The following KPNA1 variants were observed in gnomAD, a reference collection of about 807,000 sequenced individuals.
KPNA1 encodes karyopherin subunit alpha 1, also known as importin subunit alpha-5.
KPNA1 carries 10 observed loss-of-function variants against 70.5 expected under a neutral mutation model. The ratio of observed to expected loss-of-function variants is 0.14; its 90% CI spans 0.09 to 0.24. KPNA1 has a LOEUF of 0.24. KPNA1 is among the 10% of genes least tolerant of loss of function. The pLI is 1.00. For missense variants in KPNA1, 397 were observed against 637.9 expected (o/e 0.62, Z 4.07); for synonymous variants, 192 against 221.9 (o/e 0.87, Z 1.20).
intron 3 of KPNA1, among the ~76,000 whole-genome samples, chr3:122,465,473 G>C (rs1021513977): frequency 6.6e-6 from 1 of 152,196 alleles, no homozygotes; most frequent in African/African-American, 2.4e-5. Context: ...ATGAGAAACA[G>C]AGTGACTGTA....
At chr3:122,436,482 TC>T (rs2075990204) in intron 11 of KPNA1, among the ~76,000 whole-genome samples, 1 of 152,192 alleles carries the variant, frequency 6.6e-6, no homozygotes, top group Admixed American at 6.5e-5. Flanking sequence ...ATGTGATGTC[TC>T]CCCCAGACAG....
At chr3:122,479,270 C>T (rs2076542667) in intron 2 of KPNA1, among the ~76,000 whole-genome samples, 1 of 152,108 alleles carries the variant, frequency 6.6e-6, no homozygotes, top group Non-Finnish European at 1.5e-5. Context: ...GAAGAGGTAA[C>T]CCATATTATA....
At position 122,424,990 on chromosome 3, in the gene KPNA1, CAGTAA is replaced by C. The variant is rs1170991119; in HGVS notation, c.*1990_*1994del. 6.6e-6 allele frequency: 1 copy of C among 152,582 alleles called. No homozygotes were observed. Among genetic ancestry groups the C allele is most frequent in the Non-Finnish European group, 1.5e-5 (1 of 68,034 alleles). 9.5% of individuals were successfully genotyped at this position (152,582 alleles called of 1,614,324 possible). A position where few individuals can be genotyped will look rare whatever the true frequency, so the allele number is the denominator to read the frequency against. On this transcript the variant is annotated 3_prime_UTR_variant, in exon 14 of 14. Transcript: ENST00000344337. ...GAATCAGTCTTTTACAGGTCAAGTG[CAGTAA>C]ACTAAAATGTTCTCTCAGCACAAAG...
chr3:122,440,294 A>C (rs1206212779), intron 10 of KPNA1, among the ~76,000 whole-genome samples: 1 of 152,142 alleles, frequency 6.6e-6, no homozygotes, highest in Non-Finnish European at 1.5e-5. Context: ...CAGAGAAAAT[A>C]ATGTTAATAC....
intron 9 of KPNA1, 73 bp downstream of exon 9, chr3:122,449,501 A>AT: frequency 8.5e-7 from 1 of 1,176,078 alleles, no homozygotes; most frequent in Non-Finnish European, 1.2e-6. Context: ...ATCCATTAAT[A>AT]TTTAAGTATT....
chr3:122,450,757 C>T (rs1277207473), intron 8 of KPNA1, among the ~76,000 whole-genome samples: 1 of 152,178 alleles, frequency 6.6e-6, no homozygotes, highest in Non-Finnish European at 1.5e-5. Context: ...TCCTGGGTAT[C>T]TACCCAGAGG....
At chr3:122,458,077 A>C (rs1254862571) in intron 5 of KPNA1, among the ~76,000 whole-genome samples, 1 of 152,210 alleles carries the variant, frequency 6.6e-6, no homozygotes, top group Admixed American at 6.5e-5. Flanking sequence ...TGTAATTCAA[A>C]TTTACAACTT....
intron 11 of KPNA1, 101 bp downstream of exon 11, chr3:122,437,069 C>T (rs1161466710): frequency 1.5e-5 from 19 of 1,235,752 alleles, no homozygotes; most frequent in South Asian, 8.6e-5. Flanking sequence ...CAGGAGCCAC[C>T]GCACCCAGCC....
At chr3:122,505,568 C>G (rs765251522) in intron 1 of KPNA1, among the ~76,000 whole-genome samples, 2 of 152,024 alleles carry the variant, frequency 1.3e-5, no homozygotes, top group Non-Finnish European at 2.9e-5. Context: ...TTCAAAGTAC[C>G]CTCTCAGGAA....
At chr3:122,428,567 A>G (rs1262591784) in intron 12 of KPNA1, among the ~76,000 whole-genome samples, 3 of 152,242 alleles carry the variant, frequency 2.0e-5, no homozygotes, top group Admixed American at 2.0e-4. Context: ...TCTCATGGAT[A>G]TTAAAAGGAT....
chr3:122,459,780 T>C (rs1187367421), intron 5 of KPNA1: 2 of 985,340 alleles, frequency 2.0e-6, no homozygotes, highest in Non-Finnish European at 2.4e-6. Flanking sequence ...CTACCTTTTC[T>C]GGATTTCTTG....
At chr3:122,475,911 A>G (rs2076492697) in intron 2 of KPNA1, among the ~76,000 whole-genome samples, 1 of 152,120 alleles carries the variant, frequency 6.6e-6, no homozygotes. Context: ...CTCATCTTCA[A>G]GTTGAGTAAG....
At chr3:122,433,543 C>T (rs2075942622) in intron 12 of KPNA1, 118 bp downstream of exon 12, 4 of 774,970 alleles carry the variant, frequency 5.2e-6, no homozygotes. Flanking sequence ...CTCTCACTTA[C>T]TTTTCCCCTC....
chr3:122,488,658 G>A (rs1056823745), intron 2 of KPNA1, among the ~76,000 whole-genome samples: 1 of 152,222 alleles, frequency 6.6e-6, no homozygotes, highest in African/African-American at 2.4e-5. Context: ...ACGTCTGGGG[G>A]TGAAGAATTC....
chr3:122,422,469 A>T lies in KPNA1; in HGVS notation c.*4516T>A, dbSNP rs1043421622. The T allele has an allele frequency of 6.6e-6, 1 of 152,210 alleles. No homozygotes were observed. Among genetic ancestry groups the T allele is most frequent in the African/African-American group, 2.4e-5 (1 of 41,452 alleles). The allele number at this position is 152,210 out of a possible 1,614,324, so 9.4% of individuals were successfully genotyped here. A position where few individuals can be genotyped will look rare whatever the true frequency, so the allele number is the denominator to read the frequency against. ...ACTCCAGTCTGTGTAACCTAAAAGC[A>T]ACTTAAGCCTGATTTCGTCATTTTA... On this transcript the variant is annotated 3_prime_UTR_variant, in exon 14 of 14. Transcript: ENST00000344337.
intron 2 of KPNA1, among the ~76,000 whole-genome samples, chr3:122,473,569 T>C (rs568529353): frequency 3.9e-5 from 6 of 152,128 alleles, no homozygotes; most frequent in Non-Finnish European, 7.4e-5. Flanking sequence ...TGGTCCAACA[T>C]TTGAAAATCA....
At chr3:122,452,553 G>A (rs2107737036) in intron 6 of KPNA1, among the ~76,000 whole-genome samples, 1 of 50,238 alleles carries the variant, frequency 2.0e-5, no homozygotes, top group African/African-American at 7.8e-5. Context: ...AAGGAGGGAG[G>A]GAGGGAGGGA....
chr3:122,474,041 T>A (rs893082215), intron 2 of KPNA1, among the ~76,000 whole-genome samples: 1 of 152,176 alleles, frequency 6.6e-6, no homozygotes, highest in African/African-American at 2.4e-5. Context: ...AAAATTCAAC[T>A]GCTTTCCTAT....
intron 2 of KPNA1, among the ~76,000 whole-genome samples, chr3:122,478,769 C>T (rs2076535456): frequency 6.7e-6 from 1 of 149,664 alleles, no homozygotes; most frequent in African/African-American, 2.5e-5. Flanking sequence ...ATAGAAGGCA[C>T]TTGTAATCCC....
Sources: gnomAD v4.1 joint callset for allele counts (sites outside exome capture counted in the v4.1 genomes callset) on GRCh38, gnomAD v4.1.1 for gene constraint, MANE v1.5 for transcripts, NCBI Gene and HGNC (gene_info 2026-07-23, HGNC 2026-07-21) for gene names.